The following RALGAPB variants were observed in gnomAD, a reference collection of about 807,000 sequenced individuals.
RALGAPB encodes the protein ral GTPase-activating protein subunit beta.
Under a neutral mutation model 161.1 loss-of-function variants are expected in RALGAPB, and 25 were observed. The ratio of observed to expected loss-of-function variants is 0.16; its 90% CI spans 0.11 to 0.22. RALGAPB has a LOEUF of 0.22. Ranked by LOEUF, RALGAPB falls within the 10% of genes least tolerant of loss-of-function variation. The pLI is 1.00. For synonymous variants in RALGAPB, 629 were observed against 626.1 expected (o/e 1.00, Z -0.07); for missense variants, 1,391 against 1,815.2 (o/e 0.77, Z 4.25).
intron 1 of RALGAPB, among the ~76,000 whole-genome samples, chr20:38,486,637 T>TC (rs1459110956): frequency 6.6e-6 from 1 of 152,200 alleles, no homozygotes; most frequent in Non-Finnish European, 1.5e-5. Flanking sequence ...TCCTTTTTTT[T>TC]CTTCTTAAAA....
intron 5 of RALGAPB, among the ~76,000 whole-genome samples, chr20:38,500,832 G>T (rs1209768711): frequency 6.6e-6 from 1 of 152,168 alleles, no homozygotes; most frequent in Non-Finnish European, 1.5e-5. Context: ...ATGATATGGA[G>T]AAAGTTTGAG....
chr20:38,540,984 T>C (rs1600993945), intron 17 of RALGAPB, 57 bp from the exon 18 acceptor site: 2 of 1,574,486 alleles, frequency 1.3e-6, no homozygotes, highest in Admixed American at 3.5e-5. Context: ...ATGGATTTCC[T>C]TGTCTTCTCA....
At chr20:38,538,844 GT>G (rs775650361) in intron 16 of RALGAPB, among the ~76,000 whole-genome samples, 22 of 152,166 alleles carry the variant, frequency 1.4e-4, no homozygotes, top group Non-Finnish European at 2.1e-4. Flanking sequence ...CAGCTTGGCT[GT>G]TCCTTAAAAA....
chr20:38,499,266 A>G (rs2085511583), intron 4 of RALGAPB, among the ~76,000 whole-genome samples, 181 bp from the exon 5 acceptor site: 1 of 152,154 alleles, frequency 6.6e-6, no homozygotes, highest in Non-Finnish European at 1.5e-5. Flanking sequence ...TGTGTCTGTG[A>G]TTTTGGGTAC....
chr20:38,510,323 G>C (rs2085903938), intron 6 of RALGAPB, among the ~76,000 whole-genome samples: 3 of 151,998 alleles, frequency 2.0e-5, no homozygotes, highest in Admixed American at 6.6e-5. Context: ...TTTGTCTTTA[G>C]TTCACATATT....
chr20:38,537,625 T>C (rs1339340745), intron 16 of RALGAPB: 1 of 152,206 alleles, frequency 6.6e-6, no homozygotes, highest in Non-Finnish European at 1.5e-5. Context: ...GTTAAAAGAA[T>C]GAGATGACAG....
intron 13 of RALGAPB, 60 bp from the exon 14 acceptor site, chr20:38,531,107 C>T: frequency 7.5e-7 from 1 of 1,340,428 alleles, no homozygotes; most frequent in Non-Finnish European, 1.1e-6. Flanking sequence ...TATAAAATGT[C>T]TTACGCATTT....
intron 21 of RALGAPB, among the ~76,000 whole-genome samples, chr20:38,553,399 G>C (rs375586171): frequency 6.6e-6 from 1 of 152,142 alleles, no homozygotes; most frequent in Admixed American, 6.5e-5. Context: ...ATCTGCAAGC[G>C]AGGGGTGAGA....
At position 38,532,124 on chromosome 20, in the gene RALGAPB, C is replaced by G. The variant is rs577246512; in HGVS notation, c.2116-606C>G. ...AGGCTTGAGTGCAGTGGCGCAATCTCTGCTCGCTGCAAACTCCGCCTCCCA... is the reference window on the plus strand; with the variant it reads ...AGGCTTGAGTGCAGTGGCGCAATCTGTGCTCGCTGCAAACTCCGCCTCCCA... On this transcript the variant is annotated intron_variant, in intron 14 of 29. Coordinates refer to ENST00000262879, the MANE Select transcript of RALGAPB (RefSeq NM_020336.4). Among the ~76,000 whole-genome samples, 5 of 152,324 alleles carry G rather than the reference C, an allele frequency of 3.3e-5. No individual in the cohort carries two copies. The East Asian group carries it at 9.6e-4, about 29-fold the overall frequency.
At chr20:38,484,515 C>CT (rs2085062335) in intron 1 of RALGAPB, among the ~76,000 whole-genome samples, 1 of 152,088 alleles carries the variant, frequency 6.6e-6, no homozygotes, top group Non-Finnish European at 1.5e-5. Flanking sequence ...TAGATAAGTT[C>CT]TTTTTTAGCT....
chr20:38,475,384 A>G (rs1351385828), intron 1 of RALGAPB, among the ~76,000 whole-genome samples: 1 of 152,214 alleles, frequency 6.6e-6, no homozygotes, highest in Non-Finnish European at 1.5e-5. Flanking sequence ...CTGAACTGCC[A>G]TTGCCCCATT....
Position 38,492,920 on chromosome 20 carries a change from T to C in RALGAPB, c.187-10T>C, listed in dbSNP as rs1232278610. 1.3e-6 allele frequency: 2 copies of C among 1,585,650 alleles called. No homozygotes were observed. Among genetic ancestry groups the C allele is most frequent in the South Asian group, 2.2e-5 (2 of 90,262 alleles). Reference sequence around the variant, plus strand: ...GTAATAATTCTATATGGATATTTTCTTTTGTCTAGGTAAAATGGACCATGG... The same window carrying C: ...GTAATAATTCTATATGGATATTTTCCTTTGTCTAGGTAAAATGGACCATGG... On this transcript the variant is annotated splice_polypyrimidine_tract_variant and intron_variant, in intron 2 of 29. Coordinates refer to ENST00000262879, the MANE Select transcript of RALGAPB (RefSeq NM_020336.4).
Position 38,546,443 on chromosome 20 carries a change from T to C in RALGAPB, c.2902+13T>C, listed in dbSNP as rs2087165895. The C allele has an allele frequency of 6.2e-7, 1 of 1,613,722 alleles. No individual in the cohort carries two copies. ...GGAAATGAGCAGAGTAAGTTTATAG[T>C]ACTTTGAGCCTTCTCTACTGCTTAA... On this transcript the variant is annotated intron_variant, in intron 19 of 29. Transcript: ENST00000262879.
intron 1 of RALGAPB, among the ~76,000 whole-genome samples, chr20:38,488,130 T>G (rs2085171969): frequency 6.6e-6 from 1 of 152,236 alleles, no homozygotes; most frequent in South Asian, 2.1e-4. Flanking sequence ...GAAACAAGTT[T>G]CACAGAAACA....
intron 1 of RALGAPB, among the ~76,000 whole-genome samples, chr20:38,483,814 G>A (rs537765226): frequency 9.2e-5 from 14 of 152,286 alleles, no homozygotes; most frequent in African/African-American, 3.4e-4. Context: ...GCTCCTGAAA[G>A]TAACGTTCTC....
intron 5 of RALGAPB, 70 bp from the exon 6 acceptor site, chr20:38,509,003 GTCTT>G: frequency 6.7e-7 from 1 of 1,503,130 alleles, no homozygotes; most frequent in Admixed American, 1.8e-5. Context: ...CATTTTCTCT[GTCTT>G]CTTTCTATGC....
In RALGAPB at chr20:38,511,810, T is replaced by C. The variant is rs1470994475; in HGVS notation, c.872+2602T>C. Among the ~76,000 whole-genome samples the C allele has an allele frequency of 7.2e-5, 11 of 152,326 alleles. No homozygotes were observed. In the East Asian group the frequency reaches 2.1e-3, roughly 29 times the overall value. Reference sequence around the variant, plus strand: ...GCTTTTCTATTCGACAAAACCGCCATCATCATCATGGCCCGTTCTCAATGA... The same window carrying C: ...GCTTTTCTATTCGACAAAACCGCCACCATCATCATGGCCCGTTCTCAATGA... On this transcript the variant is annotated intron_variant, in intron 6 of 29. Coordinates refer to ENST00000262879, the MANE Select transcript of RALGAPB (RefSeq NM_020336.4).
In RALGAPB at chr20:38,570,005, T is replaced by C. The variant is rs749442696; in HGVS notation, c.4063+9T>C. The C allele has an allele frequency of 6.3e-6, 10 of 1,595,012 alleles. No individual in the cohort carries two copies. The highest frequency in any genetic ancestry group is 1.7e-4 in the Middle Eastern group (1 of 5,990). Reference sequence around the variant, plus strand: ...ACGCTATGATGATATAGGTACTGTATGAGGACTTTGTCCATAAATAAAATG... The same window carrying C: ...ACGCTATGATGATATAGGTACTGTACGAGGACTTTGTCCATAAATAAAATG... On this transcript the variant is annotated intron_variant, in intron 27 of 29. Coordinates refer to ENST00000262879, the MANE Select transcript of RALGAPB (RefSeq NM_020336.4).
intron 1 of RALGAPB, among the ~76,000 whole-genome samples, chr20:38,478,568 C>T (rs550259313): frequency 6.6e-6 from 1 of 151,636 alleles, no homozygotes; most frequent in African/African-American, 2.4e-5. Flanking sequence ...TTACAGGCAG[C>T]CGCCACCACA....
Sources: allele counts gnomAD v4.1 joint callset (sites outside exome capture counted in the v4.1 genomes callset), GRCh38; gene constraint gnomAD v4.1.1; transcripts MANE v1.5; gene names NCBI Gene and HGNC (gene_info 2026-07-23, HGNC 2026-07-21).